The following DLGAP2 variants were observed in gnomAD, a reference collection of about 807,000 sequenced individuals.
The protein encoded by DLGAP2 is DLG associated protein 2, also known as disks large-associated protein 2.
Under a neutral mutation model 100.3 loss-of-function variants are expected in DLGAP2, and 26 were observed. The observed-to-expected ratio is 0.26, with a 90% CI of 0.19 to 0.36. The LOEUF (loss-of-function observed/expected upper bound fraction) is 0.36, where lower values mean the gene tolerates loss of function less well. DLGAP2 is among the 10% of genes least tolerant of loss of function. The probability of loss-of-function intolerance (pLI) is 1.00; values close to 1 mark genes in which losing one functional copy is unlikely to be tolerated. For synonymous variants in DLGAP2, 886 were observed against 630.1 expected, an observed-to-expected ratio of 1.41 and a Z score of -6.08; for missense variants, 1,858 against 1,453.2, an observed-to-expected ratio of 1.28 and a Z score of -4.53.
At chr8:1,322,292 A>G (rs1381516300) in intron 3 of DLGAP2, among the ~76,000 whole-genome samples, 1 of 152,262 alleles carries the variant, frequency 6.6e-6, no homozygotes, top group Non-Finnish European at 1.5e-5. Context: ...AAGCATACTG[A>G]AAAAACTTCG....
At chr8:1,318,750 A>C (rs1563080340) in intron 3 of DLGAP2, among the ~76,000 whole-genome samples, 1 of 149,230 alleles carries the variant, frequency 6.7e-6, no homozygotes. Context: ...TACTGTTTTC[A>C]TTGTAACTAA....
intron 2 of DLGAP2, among the ~76,000 whole-genome samples, chr8:1,182,972 G>C (rs1478687393): frequency 6.6e-6 from 1 of 152,232 alleles, no homozygotes; most frequent in Non-Finnish European, 1.5e-5. Context: ...GTGGAAGGTA[G>C]ACATTCGAGC....
intron 2 of DLGAP2, among the ~76,000 whole-genome samples, chr8:1,225,710 A>T (rs967935629): frequency 4.6e-5 from 7 of 152,246 alleles, no homozygotes; most frequent in Admixed American, 6.5e-5. Flanking sequence ...AAGAAGAAAT[A>T]CTGGGGAGCT....
chr8:1,556,938 C>T (rs1406309200), intron 5 of DLGAP2, among the ~76,000 whole-genome samples: 1 of 151,952 alleles, frequency 6.6e-6, no homozygotes, highest in Non-Finnish European at 1.5e-5. Context: ...AAGCTCAGCA[C>T]AGCGGGATGG....
At chr8:1,462,613 G>A (rs988314868) in intron 3 of DLGAP2, among the ~76,000 whole-genome samples, 10 of 152,206 alleles carry the variant, frequency 6.6e-5, no homozygotes, top group African/African-American at 2.4e-4. Context: ...TTGGGTGGAT[G>A]GGAATTAGTT....
At chr8:1,096,386 G>A (rs1295087983) in intron 2 of DLGAP2, among the ~76,000 whole-genome samples, 1 of 152,258 alleles carries the variant, frequency 6.6e-6, no homozygotes, top group Admixed American at 6.5e-5. Flanking sequence ...AAGAGCTTTA[G>A]GGACCAGTGT....
At chr8:741,769 C>T (rs950472527) in intron 1 of DLGAP2, among the ~76,000 whole-genome samples, 11 of 152,186 alleles carry the variant, frequency 7.2e-5, no homozygotes, top group Admixed American at 1.3e-4. Context: ...CCCTACTTCC[C>T]GTCAGAGGTG....
intron 5 of DLGAP2, among the ~76,000 whole-genome samples, chr8:1,553,003 G>A (rs1801822900): frequency 6.6e-6 from 1 of 152,188 alleles, no homozygotes; most frequent in Non-Finnish European, 1.5e-5. Context: ...ATTCGCCGTG[G>A]CTTAGCTCAG....
At chr8:866,426 C>T (rs139591999) in intron 1 of DLGAP2, among the ~76,000 whole-genome samples, 25 of 152,340 alleles carry the variant, frequency 1.6e-4, no homozygotes, top group African/African-American at 5.8e-4. Context: ...GGGTCCAGGG[C>T]AGCATCTCCT....
chr8:1,635,612 T>C (rs1372667682), intron 8 of DLGAP2, among the ~76,000 whole-genome samples: 3 of 152,354 alleles, frequency 2.0e-5, no homozygotes, highest in Admixed American at 2.0e-4. Context: ...GAGTTATTTT[T>C]GAAAACATTC....
At chr8:1,065,198 G>A (rs1243920360) in intron 2 of DLGAP2, among the ~76,000 whole-genome samples, 1 of 152,232 alleles carries the variant, frequency 6.6e-6, no homozygotes, top group East Asian at 1.9e-4. Context: ...CTGAAGCTGT[G>A]TCTAAACCTC....
At chr8:1,132,557 C>G (rs1410405625) in intron 2 of DLGAP2, among the ~76,000 whole-genome samples, 2 of 152,192 alleles carry the variant, frequency 1.3e-5, no homozygotes, top group African/African-American at 4.8e-5. Context: ...ATGTGTACAC[C>G]TTGATATAGA....
intron 3 of DLGAP2, among the ~76,000 whole-genome samples, chr8:1,293,954 C>A (rs1029046906): frequency 6.6e-6 from 1 of 152,196 alleles, no homozygotes; most frequent in Admixed American, 6.5e-5. Context: ...CTGCGGATAC[C>A]TTGCACCGTA....
At chr8:1,217,417 C>T (rs12716581) in intron 2 of DLGAP2, among the ~76,000 whole-genome samples, 63,319 of 151,978 alleles carry the variant, frequency 0.42, 14,028 homozygotes, top group East Asian at 0.72. Context: ...GTGATGAACA[C>T]AGGGGAGTGC....
At chr8:1,658,044 G>C (rs1249554470) in intron 8 of DLGAP2, among the ~76,000 whole-genome samples, 1 of 152,148 alleles carries the variant, frequency 6.6e-6, no homozygotes, top group East Asian at 1.9e-4. Flanking sequence ...GGCTTGAGGA[G>C]GTGGTGATTG....
intron 3 of DLGAP2, among the ~76,000 whole-genome samples, chr8:1,472,648 C>T (rs921636172): frequency 6.6e-5 from 10 of 152,234 alleles, no homozygotes; most frequent in African/African-American, 2.4e-4. Flanking sequence ...AATCGAAGCT[C>T]AGCAGGTATT....
chr8:751,593 T>C (rs1387144488), intron 1 of DLGAP2, among the ~76,000 whole-genome samples: 1 of 151,862 alleles, frequency 6.6e-6, no homozygotes, highest in African/African-American at 2.4e-5. Flanking sequence ...TAAGTCCTTA[T>C]AATAAGTTCA....
At chr8:772,525 G>C (rs1202736637) in intron 1 of DLGAP2, among the ~76,000 whole-genome samples, 1 of 152,018 alleles carries the variant, frequency 6.6e-6, no homozygotes, top group Non-Finnish European at 1.5e-5. Context: ...GTTTCACCAT[G>C]TTGGCCAGGC....
At chr8:836,203 C>T (rs1017054885) in intron 1 of DLGAP2, among the ~76,000 whole-genome samples, 9 of 152,170 alleles carry the variant, frequency 5.9e-5, no homozygotes, top group African/African-American at 9.6e-5. Context: ...GCCGGGGACT[C>T]GGCCGGAAAG....
Sources: gnomAD v4.1 joint callset for allele counts (sites outside exome capture counted in the v4.1 genomes callset) on GRCh38, gnomAD v4.1.1 for gene constraint, MANE v1.5 for transcripts, NCBI Gene and HGNC (gene_info 2026-07-23, HGNC 2026-07-21) for gene names.